Variants in ZC3H12B observed in about 807,000 individuals in gnomAD.
The protein encoded by ZC3H12B is probable ribonuclease ZC3H12B.
In ZC3H12B, 7 loss-of-function variants were observed where a neutral mutation model predicts 43.9. The observed-to-expected ratio is 0.16, with a 90% confidence interval of 0.09 to 0.30. ZC3H12B has a LOEUF of 0.30. ZC3H12B is among the 10% of genes least tolerant of loss of function. The probability of loss-of-function intolerance (pLI) is 1.00; values close to 1 mark genes in which losing one functional copy is unlikely to be tolerated. For synonymous variants in ZC3H12B, 222 were observed against 241.7 expected, an observed-to-expected ratio of 0.92 and a Z score of 0.76; for missense variants, 475 against 670.2, an observed-to-expected ratio of 0.71 and a Z score of 3.22.
the ZC3H12B span, among the ~76,000 whole-genome samples, chrX:65,167,266 G>T: frequency 8.9e-6 from 1 of 111,998 alleles, no homozygotes; most frequent in Non-Finnish European, 1.9e-5. Context: ...CATATGGCTA[G>T]CCAGTTTTCC....
the ZC3H12B span, among the ~76,000 whole-genome samples, chrX:65,172,557 G>A: frequency 8.9e-6 from 1 of 111,869 alleles, no homozygotes; most frequent in Non-Finnish European, 1.9e-5. Context: ...TATGGTTTTG[G>A]GTTTTACACT....
the ZC3H12B span, chrX:65,328,122 C>T: frequency 8.3e-6 from 2 of 240,283 alleles, no homozygotes; most frequent in East Asian, 2.1e-4. Flanking sequence ...CTTTTCTCAT[C>T]CAGCGGTGTC....
chrX:65,379,903 G>A (rs1334427995), intron 2 of ZC3H12B, among the ~76,000 whole-genome samples: 1 of 111,718 alleles, frequency 9.0e-6, no homozygotes, highest in African/African-American at 3.3e-5. Flanking sequence ...GGGAAATTTA[G>A]AGAAAAAAGA....
the ZC3H12B span, among the ~76,000 whole-genome samples, chrX:65,333,895 A>G: frequency 1.2e-4 from 14 of 112,073 alleles, no homozygotes; most frequent in Admixed American, 1.1e-3. Flanking sequence ...TATTAATAAC[A>G]TACAGTAAGT....
At chrX:65,387,692 G>C (rs1286507132) in intron 2 of ZC3H12B, among the ~76,000 whole-genome samples, 6 of 111,907 alleles carry the variant, frequency 5.4e-5, no homozygotes, top group Admixed American at 1.9e-4. Flanking sequence ...TATGATGTTA[G>C]CTGGTTATTT....
chrX:65,109,009 G>A, the ZC3H12B span, among the ~76,000 whole-genome samples: 14 of 111,528 alleles, frequency 1.3e-4, no homozygotes, highest in African/African-American at 4.2e-4. Flanking sequence ...GTTTGCCCCA[G>A]CTTTTGCCTG....
At chrX:65,188,129 G>T in the ZC3H12B span, among the ~76,000 whole-genome samples, 2 of 111,423 alleles carry the variant, frequency 1.8e-5, no homozygotes, top group Non-Finnish European at 3.8e-5. Flanking sequence ...TGTTGCAGAT[G>T]ATAAGATCTC....
At chrX:65,047,058 ATATAAT>A in the ZC3H12B span, among the ~76,000 whole-genome samples, 2 of 111,186 alleles carry the variant, frequency 1.8e-5, no homozygotes, top group Admixed American at 1.9e-4. Flanking sequence ...ACCATAACAG[ATATAAT>A]TATAATGAAA....
chrX:65,166,495 C>A, the ZC3H12B span, among the ~76,000 whole-genome samples: 1 of 111,967 alleles, frequency 8.9e-6, no homozygotes, highest in African/African-American at 3.2e-5. Flanking sequence ...AATAGTGCTG[C>A]AATAAACATT....
the ZC3H12B span, among the ~76,000 whole-genome samples, chrX:65,278,101 C>T: frequency 9.0e-6 from 1 of 111,619 alleles, no homozygotes; most frequent in African/African-American, 3.3e-5. Context: ...TGATCCATCA[C>T]AATGGATAAC....
chrX:65,118,404 A>C, the ZC3H12B span, among the ~76,000 whole-genome samples: 1 of 111,679 alleles, frequency 9.0e-6, no homozygotes, highest in Non-Finnish European at 1.9e-5. Flanking sequence ...ATTTTTGCAC[A>C]TTGATTTTGT....
chrX:65,225,318 G>T, the ZC3H12B span, among the ~76,000 whole-genome samples: 8 of 112,483 alleles, frequency 7.1e-5, no homozygotes, highest in Non-Finnish European at 1.3e-4. Flanking sequence ...TGAGGGTCCT[G>T]TCTGTTAAAA....
chrX:65,215,534 G>A, the ZC3H12B span, among the ~76,000 whole-genome samples: 5 of 110,751 alleles, frequency 4.5e-5, no homozygotes, highest in Admixed American at 4.9e-4. Flanking sequence ...GAGTTGGAGA[G>A]AGTTGCAGCC....
chrX:65,209,785 T>G, the ZC3H12B span, among the ~76,000 whole-genome samples: 1 of 103,701 alleles, frequency 9.6e-6, no homozygotes, highest in Non-Finnish European at 1.9e-5. Flanking sequence ...CTATCTGATC[T>G]TTGACAAACC....
the ZC3H12B span, among the ~76,000 whole-genome samples, chrX:65,274,708 C>T: frequency 4.5e-5 from 5 of 110,250 alleles, no homozygotes; most frequent in Non-Finnish European, 9.5e-5. Flanking sequence ...GATAAACAGC[C>T]CCACAGCCCC....
At chrX:65,356,603 TATG>T in the ZC3H12B span, among the ~76,000 whole-genome samples, 1 of 112,498 alleles carries the variant, frequency 8.9e-6, no homozygotes, top group African/African-American at 3.2e-5. Flanking sequence ...AAATGGTATT[TATG>T]ATTTTATAAT....
chrX:65,164,088 A>G, the ZC3H12B span, among the ~76,000 whole-genome samples: 2 of 112,224 alleles, frequency 1.8e-5, no homozygotes, highest in East Asian at 5.6e-4. Flanking sequence ...ACAAAGAAAT[A>G]GTTTAATAAT....
chrX:65,225,538 G>A, the ZC3H12B span, among the ~76,000 whole-genome samples: 1 of 112,549 alleles, frequency 8.9e-6, no homozygotes, highest in African/African-American at 3.2e-5. Flanking sequence ...TGACTTTGAC[G>A]AGTTGAGAGA....
the ZC3H12B span, among the ~76,000 whole-genome samples, chrX:65,108,445 TGAA>T: frequency 9.1e-6 from 1 of 110,102 alleles, no homozygotes; most frequent in African/African-American, 3.3e-5. Context: ...TTTGTCAAAA[TGAA>T]GACACACACA....
Sources: gnomAD v4.1 joint callset for allele counts (sites outside exome capture counted in the v4.1 genomes callset) on GRCh38, gnomAD v4.1.1 for gene constraint, MANE v1.5 for transcripts, NCBI Gene and HGNC (gene_info 2026-07-23, HGNC 2026-07-21) for gene names.